The following NLGN1 variants were observed in gnomAD, a reference collection of about 807,000 sequenced individuals.
NLGN1 encodes the protein neuroligin 1.
Under a neutral mutation model 65.5 loss-of-function variants are expected in NLGN1, and 12 were observed. That is an observed-to-expected ratio of 0.18 (90% CI 0.12 to 0.30). The LOEUF is 0.30. Ranked by LOEUF, NLGN1 falls within the 10% of genes least tolerant of loss-of-function variation. The pLI is 1.00. For missense variants in NLGN1, 750 were observed against 1,007.1 expected (o/e 0.74, Z 3.46); for synonymous variants, 350 against 359.5 (o/e 0.97, Z 0.30).
chr3:174,122,059 T>C (rs763931762), intron 4 of NLGN1, among the ~76,000 whole-genome samples: 1 of 152,216 alleles, frequency 6.6e-6, no homozygotes, highest in African/African-American at 2.4e-5. Flanking sequence ...CTCTTTCTGC[T>C]CTTTGAAATT....
chr3:173,506,371 T>G (rs182280467), intron 2 of NLGN1, among the ~76,000 whole-genome samples: 30 of 152,218 alleles, frequency 2.0e-4, no homozygotes, highest in African/African-American at 7.2e-4. Flanking sequence ...TTATATTATT[T>G]TAGTTTTTTT....
exon 7 of NLGN1, chr3:174,281,405 G>A (rs2152895915): frequency 1.4e-6 from 1 of 733,988 alleles, no homozygotes. Context: ...TAAATAAGGA[G>A]GAATATTATG....
chr3:174,187,759 C>T (rs1266554647), intron 4 of NLGN1, among the ~76,000 whole-genome samples: 1 of 151,996 alleles, frequency 6.6e-6, no homozygotes, highest in Non-Finnish European at 1.5e-5. Flanking sequence ...AATAAATGGT[C>T]TCTACTCTCA....
chr3:174,007,917 G>C (rs1321423404), intron 4 of NLGN1, among the ~76,000 whole-genome samples: 5 of 151,296 alleles, frequency 3.3e-5, no homozygotes, highest in Admixed American at 6.6e-5. Context: ...TTCAAAGTGA[G>C]TACATTGGTT....
At chr3:173,701,571 A>G (rs1278814555) in intron 3 of NLGN1, among the ~76,000 whole-genome samples, 1 of 152,224 alleles carries the variant, frequency 6.6e-6, no homozygotes, top group Non-Finnish European at 1.5e-5. Context: ...ACTGTGTGAT[A>G]ATACATTTCT....
chr3:173,448,765 T>G (rs1720888393), intron 2 of NLGN1, among the ~76,000 whole-genome samples: 1 of 152,204 alleles, frequency 6.6e-6, no homozygotes, highest in Non-Finnish European at 1.5e-5. Context: ...ATTCAGAGAT[T>G]CAACTTCTTC....
chr3:173,986,244 G>A (rs191768740), intron 4 of NLGN1, among the ~76,000 whole-genome samples: 139 of 152,088 alleles, frequency 9.1e-4, no homozygotes, highest in Middle Eastern at 3.4e-3. Flanking sequence ...CAAGGTGGGC[G>A]GATCACGAGG....
chr3:174,012,987 T>C (rs1725850208), intron 4 of NLGN1, among the ~76,000 whole-genome samples: 1 of 152,178 alleles, frequency 6.6e-6, no homozygotes, highest in African/African-American at 2.4e-5. Flanking sequence ...AGGTGCTGTA[T>C]TGATATTTAC....
chr3:173,737,739 G>A (rs1237274106), intron 3 of NLGN1, among the ~76,000 whole-genome samples: 1 of 152,016 alleles, frequency 6.6e-6, no homozygotes, highest in East Asian at 1.9e-4. Context: ...AATTTGCATG[G>A]ACATGTTTTT....
intron 4 of NLGN1, among the ~76,000 whole-genome samples, chr3:173,829,835 A>G (rs1320464854): frequency 6.6e-6 from 1 of 152,062 alleles, no homozygotes; most frequent in East Asian, 1.9e-4. Flanking sequence ...TATTCAGCCC[A>G]TCTTAATATG....
intron 3 of NLGN1, among the ~76,000 whole-genome samples, chr3:173,797,061 G>A (rs567406548): frequency 4.8e-4 from 73 of 152,126 alleles, no homozygotes; most frequent in Non-Finnish European, 7.8e-4. Context: ...AGGCAGAGGT[G>A]GTGTTTTGTT....
chr3:173,751,195 A>G (rs1300184440), intron 3 of NLGN1, among the ~76,000 whole-genome samples: 1 of 152,080 alleles, frequency 6.6e-6, no homozygotes, highest in Non-Finnish European at 1.5e-5. Context: ...ACTAGTTAAG[A>G]TAATGTTTGT....
At chr3:173,444,306 A>G (rs1314506361) in intron 2 of NLGN1, among the ~76,000 whole-genome samples, 1 of 152,222 alleles carries the variant, frequency 6.6e-6, no homozygotes, top group Non-Finnish European at 1.5e-5. Context: ...TGTATAACAG[A>G]AGGACAGCAG....
chr3:174,037,501 G>A (rs1033848769), intron 4 of NLGN1, among the ~76,000 whole-genome samples: 4 of 152,130 alleles, frequency 2.6e-5, no homozygotes, highest in Non-Finnish European at 5.9e-5. Context: ...GAAAGCACTA[G>A]CAATATAATA....
intron 3 of NLGN1, among the ~76,000 whole-genome samples, chr3:173,680,879 C>A (rs975774339): frequency 1.3e-5 from 2 of 152,200 alleles, no homozygotes; most frequent in Middle Eastern, 3.4e-3. Context: ...CCAACTGAAG[C>A]AATGTGATGC....
intron 4 of NLGN1, among the ~76,000 whole-genome samples, chr3:174,111,383 G>A (rs1343755961): frequency 1.3e-5 from 2 of 151,812 alleles, no homozygotes; most frequent in Admixed American, 6.6e-5. Context: ...TTTAATAAAA[G>A]CCAGAACTTT....
chr3:174,225,993 T>C (rs1577448832), intron 4 of NLGN1, among the ~76,000 whole-genome samples: 1 of 152,224 alleles, frequency 6.6e-6, no homozygotes, highest in South Asian at 2.1e-4. Context: ...AGTTGTGTGG[T>C]CATGATCACA....
chr3:173,719,020 A>G (rs1396265364), intron 3 of NLGN1, among the ~76,000 whole-genome samples: 1 of 152,190 alleles, frequency 6.6e-6, no homozygotes, highest in Non-Finnish European at 1.5e-5. Flanking sequence ...CCCAAAGTAA[A>G]TCAGACTGAC....
At chr3:173,704,608 T>C (rs2149901782) in intron 3 of NLGN1, among the ~76,000 whole-genome samples, 1 of 152,320 alleles carries the variant, frequency 6.6e-6, no homozygotes, top group East Asian at 1.9e-4. Flanking sequence ...CTGCATATTA[T>C]AGTAGAAAAA....
Sources: allele counts gnomAD v4.1 joint callset (sites outside exome capture counted in the v4.1 genomes callset), GRCh38; gene constraint gnomAD v4.1.1; transcripts MANE v1.5; gene names NCBI Gene and HGNC (gene_info 2026-07-23, HGNC 2026-07-21).